Variants in SLC9A4 observed in about 807,000 individuals in gnomAD.
SLC9A4 encodes the protein sodium/hydrogen exchanger 4.
SLC9A4 carries 63 observed loss-of-function variants against 67.4 expected under a neutral mutation model. That is an observed-to-expected ratio of 0.93 (90% CI 0.76 to 1.15). The LOEUF (loss-of-function observed/expected upper bound fraction) is 1.15, where lower values mean the gene tolerates loss of function less well. Among genes scored for constraint, SLC9A4 ranks in the 50% most tolerant of loss-of-function variants. The pLI, the probability that SLC9A4 is intolerant of heterozygous loss-of-function variation, is 0.00. For synonymous variants in SLC9A4, 393 were observed against 367.2 expected (o/e 1.07, Z -0.80); for missense variants, 1,089 against 987.7 (o/e 1.10, Z -1.38).
At chr2:102,516,252 C>T (rs1420459915) in intron 8 of SLC9A4, among the ~76,000 whole-genome samples, 2 of 151,952 alleles carry the variant, frequency 1.3e-5, no homozygotes, top group African/African-American at 2.4e-5. Context: ...CTTATAGGTA[C>T]GAGATAATTT....
intron 3 of SLC9A4, among the ~76,000 whole-genome samples, chr2:102,504,980 C>T (rs1162016753): frequency 6.6e-6 from 1 of 152,206 alleles, no homozygotes; most frequent in Non-Finnish European, 1.5e-5. Flanking sequence ...AAGCATTCTG[C>T]ATTGGGTGTG....
In SLC9A4 at chr2:102,525,060, A is replaced by G. The variant is rs761154159; in HGVS notation, c.1855A>G (p.Thr619Ala). 2.5e-6 allele frequency: 4 copies of G among 1,614,010 alleles called. No individual in the cohort carries two copies. Among genetic ancestry groups the G allele is most frequent in the Non-Finnish European group, 3.4e-6 (4 of 1,179,968 alleles). ...SYNKYNLKPQ[T>A]SEKQAKEILI... ...CAACAAATACAACCTCAAACCCCAA[A>G]CAAGTGAGAAGCAGGCTAAAGAGAT... The change falls in exon 10 of 12, where the codon ACA (threonine) becomes GCA (alanine). Residue 619 changes from threonine to alanine, a missense_variant. Physicochemically the swap from Thr to Ala is moderately conservative, Grantham distance 58. Coordinates refer to ENST00000295269, the MANE Select transcript of SLC9A4 (RefSeq NM_001011552.4).
intron 2 of SLC9A4, among the ~76,000 whole-genome samples, chr2:102,493,197 G>GATCTAAAACTAA (rs1342938796): frequency 2.8e-4 from 42 of 149,466 alleles, no homozygotes; most frequent in African/African-American, 1.0e-3. Flanking sequence ...CTTCTTCTGA[G>GATCTAAAACTAA]CCCTTCAAAT....
chr2:102,491,437 G>A (rs1684698109), intron 2 of SLC9A4, among the ~76,000 whole-genome samples: 1 of 147,070 alleles, frequency 6.8e-6, no homozygotes, highest in Admixed American at 7.1e-5. Context: ...AGTTGGGGAG[G>A]CTTCACAATC....
intron 4 of SLC9A4, among the ~76,000 whole-genome samples, chr2:102,507,141 G>A (rs1035445298): frequency 6.6e-6 from 1 of 152,198 alleles, no homozygotes; most frequent in Non-Finnish European, 1.5e-5. Flanking sequence ...GACAGGAAAT[G>A]GTTAAGAACC....
At position 102,473,825 on chromosome 2, in the gene SLC9A4, G is replaced by A. The variant is rs144217500; in HGVS notation, c.66G>A (p.Glu22=). 1.2e-5 allele frequency: 20 copies of A among 1,613,988 alleles called. No homozygotes were observed. The highest frequency in any genetic ancestry group is 1.7e-5 in the Admixed American group (1 of 60,006). The part of the protein sequence containing the change: ...WNCLLLLVAL[E]CSEASSDLNE... ...GTTTGCTACTGCTAGTGGCTCTTGA[G>A]TGTTCTGAAGCATCTTCTGATTTGA... is the stretch of plus-strand genomic sequence containing the variant. Residue 22 remains glutamate (E), a synonymous_variant, in exon 1 of 12, where the codon GAG becomes GAA. Transcript: ENST00000295269.
At chr2:102,529,891 T>A (rs997594007) in intron 11 of SLC9A4, among the ~76,000 whole-genome samples, 1 of 152,206 alleles carries the variant, frequency 6.6e-6, no homozygotes, top group Non-Finnish European at 1.5e-5. Context: ...CCTTTAGGGC[T>A]CACTTGGTGT....
intron 2 of SLC9A4, among the ~76,000 whole-genome samples, chr2:102,494,826 A>G (rs996314249): frequency 3.3e-5 from 5 of 152,140 alleles, no homozygotes; most frequent in African/African-American, 1.2e-4. Context: ...TTAGTGCAAC[A>G]AAATACATGA....
chr2:102,512,134 T>G, intron 6 of SLC9A4, 69 bp from the exon 7 acceptor site: 1 of 1,555,790 alleles, frequency 6.4e-7, no homozygotes, highest in Non-Finnish European at 8.9e-7. Flanking sequence ...TTAAAGTGTC[T>G]TAGTTGTCCT....
chr2:102,499,456 C>T (rs4851012), intron 2 of SLC9A4, among the ~76,000 whole-genome samples: 107,787 of 152,124 alleles, frequency 0.71, 38,913 homozygotes, highest in Middle Eastern at 0.77. Flanking sequence ...AGTTTAAGAT[C>T]TCTGCAAGTC....
chr2:102,523,940 A>C (rs556645367), intron 9 of SLC9A4, among the ~76,000 whole-genome samples: 2 of 152,234 alleles, frequency 1.3e-5, no homozygotes, highest in South Asian at 4.1e-4. Context: ...TTTCCCATCC[A>C]AGACTGGATG....
At chr2:102,519,571 G>T (rs184827111) in intron 8 of SLC9A4, among the ~76,000 whole-genome samples, 18 of 152,172 alleles carry the variant, frequency 1.2e-4, no homozygotes, top group African/African-American at 4.3e-4. Flanking sequence ...GTCTATAACA[G>T]ATTTGGAGGA....
rs1472682419 is a variant in SLC9A4 at position 102,521,968 on chromosome 2, G to A, written c.1818+2013G>A. 2.6e-5 allele frequency among the ~76,000 whole-genome samples: 4 copies of A among 152,184 alleles called. No individual in the cohort carries two copies. In the East Asian group the frequency reaches 7.7e-4, roughly 29 times the overall value. On this transcript the variant is annotated intron_variant, in intron 9 of 11. Transcript: ENST00000295269. The stretch of plus-strand genomic sequence containing the variant: ...GTCTGTTGCTCCTAGGAGGACTCCA[G>A]CCAATTCTGTTTGAAGTCCTTCGAC...
At chr2:102,493,270 A>T (rs1684740802) in intron 2 of SLC9A4, among the ~76,000 whole-genome samples, 1 of 149,556 alleles carries the variant, frequency 6.7e-6, no homozygotes, top group Non-Finnish European at 1.5e-5. Context: ...GTATCCTTAT[A>T]GTAGTACCCC....
At chr2:102,519,463 AT>A (rs1406468869) in intron 8 of SLC9A4, among the ~76,000 whole-genome samples, 3 of 151,904 alleles carry the variant, frequency 2.0e-5, no homozygotes, top group African/African-American at 2.4e-5. Flanking sequence ...TGAATGAATC[AT>A]TTTTTTTCTG....
chr2:102,523,097 T>C (rs2104447235), intron 9 of SLC9A4, among the ~76,000 whole-genome samples: 1 of 151,536 alleles, frequency 6.6e-6, no homozygotes, highest in East Asian at 1.9e-4. Flanking sequence ...GCTTCCTGAG[T>C]AGCTAGGACC....
chr2:102,480,375 T>C (rs1684433634), intron 2 of SLC9A4, among the ~76,000 whole-genome samples: 1 of 152,196 alleles, frequency 6.6e-6, no homozygotes, highest in Non-Finnish European at 1.5e-5. Flanking sequence ...TTTTTTTCTT[T>C]TTTTTGAGAC....
At position 102,532,374 on chromosome 2, in the gene SLC9A4, G is replaced by A. The variant is rs769508547; in HGVS notation, c.2083G>A (p.Ala695Thr). The change falls in exon 12 of 12, where the codon GCA (alanine) becomes ACA (threonine). Residue 695 changes from alanine (A) to threonine (T), a missense_variant. By Grantham distance (58) the Ala-to-Thr change is moderately conservative. Transcript: ENST00000295269. ...AGGATCCCCATCCATCACGTTCAGC[G>A]CATGCTCTCGGATAGGGTCACTTCA... is the stretch of plus-strand genomic sequence containing the variant. ...DPGSPSITFS[A>T]CSRIGSLQKQ... The A allele has an allele frequency of 2.5e-5, 41 of 1,613,996 alleles. No individual in the cohort carries two copies. The Admixed American group carries it at 3.7e-4, about 14-fold the overall frequency.
intron 4 of SLC9A4, among the ~76,000 whole-genome samples, chr2:102,507,437 G>T (rs1049020576): frequency 6.6e-6 from 1 of 152,070 alleles, no homozygotes; most frequent in Non-Finnish European, 1.5e-5. Context: ...AAACCAATGT[G>T]GTAGAAAACT....
Sources: gnomAD v4.1 joint callset for allele counts (sites outside exome capture counted in the v4.1 genomes callset) on GRCh38, gnomAD v4.1.1 for gene constraint, MANE v1.5 for transcripts, NCBI Gene and HGNC (gene_info 2026-07-23, HGNC 2026-07-21) for gene names.